The following FSTL4 variants were observed in gnomAD, a reference collection of about 807,000 sequenced individuals.
The protein encoded by FSTL4 is follistatin like 4.
A neutral mutation model predicts 78.2 loss-of-function variants in FSTL4; 28 were observed. That is an observed-to-expected ratio of 0.36 (90% confidence interval 0.27 to 0.49). The LOEUF (loss-of-function observed/expected upper bound fraction) is 0.49. FSTL4 is among the 20% of genes least tolerant of loss of function. FSTL4 has a pLI of 0.98. For synonymous variants in FSTL4, 422 were observed against 440.5 expected (o/e 0.96, Z 0.53); for missense variants, 922 against 1,084.9 (o/e 0.85, Z 2.11).
rs1030461559 is a variant in FSTL4 at position 133,611,186 on chromosome 5, A to G, written c.-11+1139T>C. Among the ~76,000 whole-genome samples the G allele has an allele frequency of 6.6e-6, 1 of 151,158 alleles. No homozygotes were observed. Among genetic ancestry groups the G allele is most frequent in the East Asian group, 2.0e-4 (1 of 5,092 alleles). ...GAGGGCTGCTGGACAGCGCCCCGGC[A>G]CCCGCTCTCGAGCCGCGACACCGAC... On this transcript the variant is annotated intron_variant, in intron 1 of 15. Transcript: ENST00000265342. This position sits in a 1 kb window ranked among gnomAD's most constrained non-coding sequence, Gnocchi z 4.9.
At chr5:133,700,981 A>G in the FSTL4 span, among the ~76,000 whole-genome samples, 1 of 152,224 alleles carries the variant, frequency 6.6e-6, no homozygotes, top group Non-Finnish European at 1.5e-5. Context: ...CTGCTCATTC[A>G]GACGCAGGCG....
the FSTL4 span, among the ~76,000 whole-genome samples, chr5:133,773,419 G>A: frequency 1.2e-4 from 18 of 152,228 alleles, no homozygotes; most frequent in Non-Finnish European, 1.9e-4. Flanking sequence ...TTCACCTCTG[G>A]CTTCTAGTTC....
At chr5:133,603,821 A>G (rs774086418) in intron 2 of FSTL4, 37 bp downstream of exon 2, 16 of 1,600,764 alleles carry the variant, frequency 1.0e-5, no homozygotes, top group Non-Finnish European at 4.3e-6. Flanking sequence ...GAAAGCAATC[A>G]GTTTGAAATG....
chr5:133,823,625 C>A, the FSTL4 span, among the ~76,000 whole-genome samples: 4 of 152,208 alleles, frequency 2.6e-5, no homozygotes, highest in Non-Finnish European at 5.9e-5. Flanking sequence ...CTTCCCCACT[C>A]CTCCACCAAG....
the FSTL4 span, among the ~76,000 whole-genome samples, chr5:133,814,324 G>A: frequency 7.2e-5 from 11 of 152,186 alleles, no homozygotes; most frequent in Non-Finnish European, 1.0e-4. Flanking sequence ...GTGAAAAGCC[G>A]TCTTCCAGTG....
chr5:133,828,849 C>T, the FSTL4 span, among the ~76,000 whole-genome samples: 677 of 152,294 alleles, frequency 4.4e-3, 3 homozygotes, highest in African/African-American at 0.014. Flanking sequence ...ATGTAGTAAC[C>T]AATACGAAGT....
chr5:133,748,912 G>T, the FSTL4 span, among the ~76,000 whole-genome samples: 7 of 152,168 alleles, frequency 4.6e-5, no homozygotes, highest in Non-Finnish European at 8.8e-5. Context: ...TAACAGTCAG[G>T]GCCAGAGACA....
chr5:133,373,063 A>G (rs1391323698), intron 4 of FSTL4, among the ~76,000 whole-genome samples: 2 of 152,152 alleles, frequency 1.3e-5, no homozygotes, highest in Non-Finnish European at 2.9e-5. Context: ...TTCTCAGAAG[A>G]GACATGAGAG....
At chr5:133,604,133 A>C in intron 1 of FSTL4, 140 bp from the exon 2 acceptor site, 1 of 613,904 alleles carries the variant, frequency 1.6e-6, no homozygotes, top group Non-Finnish European at 2.9e-6. Context: ...TACCTTGGAG[A>C]GGTTATATTA....
chr5:133,517,447 A>AAAAAAAATAAAAATAT (rs1554068019), intron 3 of FSTL4, among the ~76,000 whole-genome samples: 1 of 16,416 alleles, frequency 6.1e-5, no homozygotes, highest in African/African-American at 2.8e-4. Context: ...AAAAAAAAAA[A>AAAAAAAATAAAAATAT]ATATATATAT....
chr5:133,533,403 C>T (rs1413018097), intron 3 of FSTL4, among the ~76,000 whole-genome samples: 1 of 152,132 alleles, frequency 6.6e-6, no homozygotes, highest in Non-Finnish European at 1.5e-5. Flanking sequence ...TAGCAACATG[C>T]CCAGCTATTT....
intron 3 of FSTL4, among the ~76,000 whole-genome samples, chr5:133,409,919 C>T (rs981229595): frequency 6.6e-5 from 10 of 152,076 alleles, no homozygotes; most frequent in Non-Finnish European, 1.2e-4. Context: ...TCAGTTTCCT[C>T]GTGGGTACGT....
chr5:133,792,294 G>C, the FSTL4 span, among the ~76,000 whole-genome samples: 7 of 152,136 alleles, frequency 4.6e-5, no homozygotes, highest in Admixed American at 3.9e-4. Flanking sequence ...TTCAGGAACA[G>C]AACAATGATA....
Position 133,563,081 on chromosome 5 carries a change from A to G in FSTL4, c.160+4105T>C, listed in dbSNP as rs903812377. Among the ~76,000 whole-genome samples, 5 of 152,218 alleles carry G rather than the reference A, an allele frequency of 3.3e-5. 1 individual carries two copies. Among genetic ancestry groups the G allele is most frequent in the African/African-American group, 1.2e-4 (5 of 41,470 alleles). On this transcript the variant is annotated intron_variant, in intron 3 of 15. Transcript: ENST00000265342. ...AGAGATGCAGCCATCACTCTTTCCC[A>G]TGCAGCTCATATAGGGAGGTCCCAG...
intron 2 of FSTL4, among the ~76,000 whole-genome samples, chr5:133,601,076 GTC>G (rs879837710): frequency 2.6e-5 from 4 of 152,292 alleles, no homozygotes; most frequent in South Asian, 2.1e-4. Flanking sequence ...ATGCAAGCCT[GTC>G]CGGCCTGCAG....
chr5:133,730,980 G>A, the FSTL4 span, among the ~76,000 whole-genome samples: 1 of 152,236 alleles, frequency 6.6e-6, no homozygotes. Flanking sequence ...GACCTGACTA[G>A]AACATTTTAG....
the FSTL4 span, among the ~76,000 whole-genome samples, chr5:133,757,735 C>G: frequency 6.6e-6 from 1 of 152,122 alleles, no homozygotes. Context: ...GACAAAGACA[C>G]CCGAGGCTCT....
intron 3 of FSTL4, among the ~76,000 whole-genome samples, chr5:133,408,221 G>C (rs570473478): frequency 6.6e-6 from 1 of 152,264 alleles, no homozygotes; most frequent in Non-Finnish European, 1.5e-5. Context: ...GTCCCAGAGG[G>C]AGGACTTGCC....
the FSTL4 span, among the ~76,000 whole-genome samples, chr5:133,772,663 C>T: frequency 2.6e-5 from 4 of 152,208 alleles, no homozygotes; most frequent in Admixed American, 1.3e-4. Context: ...AACACATGTG[C>T]ACGAGAGAGC....
Sources: gnomAD v4.1 joint callset for allele counts (sites outside exome capture counted in the v4.1 genomes callset) on GRCh38, gnomAD v4.1.1 for gene constraint, Gnocchi (gnomAD v3.1) non-coding constraint, MANE v1.5 for transcripts, NCBI Gene and HGNC (gene_info 2026-07-23, HGNC 2026-07-21) for gene names.